PTK2: variants seen among roughly 807,000 people sequenced by gnomAD.
PTK2 encodes protein tyrosine kinase 2.
Under a neutral mutation model 150.1 loss-of-function variants are expected in PTK2, and 45 were observed. The observed-to-expected ratio is 0.30, with a 90% confidence interval of 0.24 to 0.38. The LOEUF is 0.38. PTK2 is among the 10% of genes least tolerant of loss of function. The probability of loss-of-function intolerance (pLI) is 1.00; values close to 1 mark genes in which losing one functional copy is unlikely to be tolerated. For missense variants in PTK2, 919 were observed against 1,307.3 expected (o/e 0.70, Z 4.58); for synonymous variants, 432 against 449.2 (o/e 0.96, Z 0.48).
intron 1 of PTK2, among the ~76,000 whole-genome samples, chr8:140,985,246 C>T (rs2100192883): frequency 6.6e-6 from 1 of 152,084 alleles, no homozygotes; most frequent in Non-Finnish European, 1.5e-5. Flanking sequence ...ACCTCAGCCT[C>T]CTGAGTACCT....
At chr8:140,755,734 G>C (rs907524276) in intron 16 of PTK2, among the ~76,000 whole-genome samples, 31 of 152,008 alleles carry the variant, frequency 2.0e-4, no homozygotes, top group African/African-American at 1.9e-4. Flanking sequence ...CCACCACCTA[G>C]AAACAGTAGC....
chr8:140,703,249 A>G (rs902788184), intron 24 of PTK2, among the ~76,000 whole-genome samples: 3 of 151,854 alleles, frequency 2.0e-5, no homozygotes, highest in Admixed American at 6.6e-5. Context: ...GGTGACAGAG[A>G]GAGACTCCGT....
intron 26 of PTK2, among the ~76,000 whole-genome samples, chr8:140,695,595 G>A (rs1390616813): frequency 1.3e-5 from 2 of 152,110 alleles, no homozygotes; most frequent in East Asian, 3.8e-4. Flanking sequence ...ATTTTTAGTA[G>A]AGATGGGGTT....
chr8:140,949,907 C>G (rs2100178946), intron 1 of PTK2, among the ~76,000 whole-genome samples: 1 of 152,158 alleles, frequency 6.6e-6, no homozygotes, highest in Non-Finnish European at 1.5e-5. Context: ...GGTGCTTTTT[C>G]CGGGCCTGCC....
intron 7 of PTK2, among the ~76,000 whole-genome samples, chr8:140,839,630 T>G (rs2100121081): frequency 6.6e-6 from 1 of 152,042 alleles, no homozygotes; most frequent in Non-Finnish European, 1.5e-5. Context: ...ATAAAGATAC[T>G]ACTTAAGAGA....
At chr8:140,665,880 CCTT>C (rs1248398267) in intron 30 of PTK2, among the ~76,000 whole-genome samples, 1 of 152,170 alleles carries the variant, frequency 6.6e-6, no homozygotes, top group Admixed American at 6.5e-5. Flanking sequence ...GCAAGTTCCT[CCTT>C]AAGAACTTTG....
At chr8:140,995,413 A>G (rs1057349744) in intron 1 of PTK2, among the ~76,000 whole-genome samples, 4 of 151,254 alleles carry the variant, frequency 2.6e-5, no homozygotes, top group Non-Finnish European at 5.9e-5. Flanking sequence ...AAGAAACTCT[A>G]TAATGGCCTC....
chr8:140,749,370 A>G (rs911228424), intron 17 of PTK2, among the ~76,000 whole-genome samples: 3 of 152,258 alleles, frequency 2.0e-5, no homozygotes, highest in Non-Finnish European at 4.4e-5. Flanking sequence ...ATTCTCACAT[A>G]TAATTATCAA....
intron 1 of PTK2, among the ~76,000 whole-genome samples, chr8:140,977,811 A>G (rs1439864088): frequency 1.3e-5 from 2 of 150,834 alleles, no homozygotes; most frequent in African/African-American, 5.0e-5. Flanking sequence ...AGTACTCATC[A>G]TAAAGGAAAA....
intron 1 of PTK2, among the ~76,000 whole-genome samples, chr8:140,980,466 G>T (rs957720080): frequency 6.6e-6 from 1 of 151,618 alleles, no homozygotes; most frequent in Non-Finnish European, 1.5e-5. Flanking sequence ...ACTAAAAATA[G>T]AAAAAATTAG....
At chr8:140,980,860 C>A (rs1275869508) in intron 1 of PTK2, among the ~76,000 whole-genome samples, 1 of 149,736 alleles carries the variant, frequency 6.7e-6, no homozygotes, top group African/African-American at 2.5e-5. Flanking sequence ...AAACGATTCT[C>A]CTGCCTCAGC....
intron 23 of PTK2, among the ~76,000 whole-genome samples, chr8:140,707,306 G>C (rs192259567): frequency 6.6e-6 from 1 of 152,138 alleles, no homozygotes; most frequent in African/African-American, 2.4e-5. Context: ...GGGAGGCCGA[G>C]GTGGATCACA....
At position 140,675,437 on chromosome 8, in the gene PTK2, C is replaced by T. The variant is rs547156705; in HGVS notation, c.2602+23G>A. On this transcript the variant is annotated intron_variant, in intron 28 of 31. Transcript: ENST00000522684. ...TCATCAAATTAAACTAACTTCTTTC[C>T]GCCCAATTCTTTTCTTCTTTACCTG... The T allele has an allele frequency of 1.5e-5, 24 of 1,608,264 alleles. No individual in the cohort carries two copies. In the East Asian group the frequency reaches 2.0e-4, roughly 13 times the overall value.
chr8:140,989,594 G>A (rs537461269), intron 1 of PTK2, among the ~76,000 whole-genome samples: 1 of 151,184 alleles, frequency 6.6e-6, no homozygotes, highest in Non-Finnish European at 1.5e-5. Context: ...AAATGCAAAC[G>A]GCCAGCAAAT....
intron 3 of PTK2, among the ~76,000 whole-genome samples, chr8:140,888,845 C>T (rs1190552539): frequency 6.6e-6 from 1 of 152,174 alleles, no homozygotes; most frequent in East Asian, 1.9e-4. Context: ...TTCATTAGGG[C>T]TGATACAATG....
intron 1 of PTK2, among the ~76,000 whole-genome samples, chr8:140,927,940 G>GAAAAAAAA (rs779534564): frequency 2.8e-5 from 1 of 36,278 alleles, no homozygotes; most frequent in African/African-American, 1.1e-4. Context: ...ATCTCAAAAA[G>GAAAAAAAA]AAAAAAAAAA....
intron 2 of PTK2, among the ~76,000 whole-genome samples, chr8:140,900,658 G>A (rs2100158093): frequency 6.6e-6 from 1 of 151,980 alleles, no homozygotes; most frequent in African/African-American, 2.4e-5. Flanking sequence ...GGAGGTGGGG[G>A]ATGCAGTGAG....
intron 26 of PTK2, chr8:140,687,207 A>T (rs1459991090): frequency 1.3e-5 from 2 of 159,548 alleles, no homozygotes; most frequent in African/African-American, 4.8e-5. Flanking sequence ...TATCAGAATA[A>T]ACGAAGTAGG....
intron 22 of PTK2, among the ~76,000 whole-genome samples, chr8:140,721,479 G>A (rs2154297591): frequency 6.6e-6 from 1 of 152,142 alleles, no homozygotes; most frequent in Admixed American, 6.5e-5. Flanking sequence ...AATGTGGGAA[G>A]GTATATCTTA....
Sources: gnomAD v4.1 joint callset for allele counts (sites outside exome capture counted in the v4.1 genomes callset) on GRCh38, gnomAD v4.1.1 for gene constraint, MANE v1.5 for transcripts, NCBI Gene and HGNC (gene_info 2026-07-23, HGNC 2026-07-21) for gene names.